TBC1D5: variants seen among roughly 807,000 people sequenced by gnomAD.
TBC1D5 encodes the protein TBC1 domain family member 5, also known as TBC1 domain family, member 5.
In TBC1D5, 75 loss-of-function variants were observed where a neutral mutation model predicts 100.3. The observed-to-expected ratio is 0.75, with a 90% CI of 0.62 to 0.91. TBC1D5 has a LOEUF of 0.91. TBC1D5 is among the 40% of genes least tolerant of loss of function. The probability of loss-of-function intolerance (pLI) is 0.00; values close to 1 mark genes in which losing one functional copy is unlikely to be tolerated. For synonymous variants in TBC1D5, 323 were observed against 325.6 expected (o/e 0.99, Z 0.09); for missense variants, 910 against 942.4 (o/e 0.97, Z 0.45).
At chr3:17,637,534 G>A (rs949373668) in intron 1 of TBC1D5, among the ~76,000 whole-genome samples, 12 of 151,304 alleles carry the variant, frequency 7.9e-5, no homozygotes, top group Non-Finnish European at 1.3e-4. Context: ...TAACAGACCC[G>A]AAGTAGATAT....
At chr3:17,188,390 T>C (rs1343683453) in intron 18 of TBC1D5, among the ~76,000 whole-genome samples, 1 of 152,138 alleles carries the variant, frequency 6.6e-6, no homozygotes, top group African/African-American at 2.4e-5. Flanking sequence ...TTTGTCTCAA[T>C]ATAAACACAT....
At chr3:17,394,800 A>G (rs2093453368) in intron 8 of TBC1D5, among the ~76,000 whole-genome samples, 1 of 152,132 alleles carries the variant, frequency 6.6e-6, no homozygotes, top group Non-Finnish European at 1.5e-5. Flanking sequence ...AGACGACGCA[A>G]TCGGGCGCTA....
At chr3:17,160,820 T>G in exon 22 of TBC1D5, 1 of 1,099,592 alleles carries the variant, frequency 9.1e-7, no homozygotes, top group Admixed American at 2.9e-5. Context: ...CTCTAAGGGG[T>G]TTCAAAGGGC....
chr3:17,239,344 C>T (rs1039382473), intron 16 of TBC1D5, among the ~76,000 whole-genome samples: 2 of 152,180 alleles, frequency 1.3e-5, no homozygotes, highest in Non-Finnish European at 2.9e-5. Context: ...ATCCTCCTCT[C>T]CTGCATCATC....
intron 3 of TBC1D5, among the ~76,000 whole-genome samples, chr3:17,441,798 A>C (rs953544389): frequency 6.6e-6 from 1 of 152,204 alleles, no homozygotes; most frequent in African/African-American, 2.4e-5. Flanking sequence ...ATTTTACTGA[A>C]TTGCTTTCTA....
chr3:17,375,565 T>TAA lies in TBC1D5; in HGVS notation c.702-888_702-887dup, dbSNP rs200229140. ...AGACTCTGTCTCAAAACATAAAATT[T>TAA]AAAAAAAAAAAAGGCATTACAACAG... On this transcript the variant is annotated intron_variant, in intron 10 of 21. Coordinates refer to ENST00000253692, the Ensembl canonical transcript of TBC1D5. Among the ~76,000 whole-genome samples, 9 of 143,060 alleles carry TAA rather than the reference T, an allele frequency of 6.3e-5. No homozygotes were observed. The South Asian group carries it at 8.9e-4, about 14-fold the overall frequency. 93.9% of individuals were successfully genotyped at this position (143,060 alleles called of 152,430 possible). A position where few individuals can be genotyped will look rare whatever the true frequency, so the allele number is the denominator to read the frequency against.
chr3:17,346,715 CGT>C (rs1559686034), intron 13 of TBC1D5, among the ~76,000 whole-genome samples: 2 of 152,082 alleles, frequency 1.3e-5, no homozygotes, highest in African/African-American at 2.4e-5. Flanking sequence ...TTTCCTTTCA[CGT>C]TTAATTCTTA....
intron 18 of TBC1D5, among the ~76,000 whole-genome samples, chr3:17,201,664 T>C (rs1048470164): frequency 1.6e-4 from 24 of 152,126 alleles, no homozygotes; most frequent in Admixed American, 1.3e-3. Flanking sequence ...CTTGCTGTTA[T>C]TGTGATGGGT....
intron 1 of TBC1D5, among the ~76,000 whole-genome samples, chr3:17,662,708 G>C (rs774389313): frequency 6.6e-6 from 1 of 152,130 alleles, no homozygotes; most frequent in Non-Finnish European, 1.5e-5. Flanking sequence ...GTCCCAGAAG[G>C]CATCTGAGTG....
At chr3:17,729,831 A>G (rs1019640380) in intron 1 of TBC1D5, among the ~76,000 whole-genome samples, 1 of 151,078 alleles carries the variant, frequency 6.6e-6, no homozygotes, top group Non-Finnish European at 1.5e-5. Flanking sequence ...AATGTTGGTC[A>G]GGCATGGTGG....
chr3:17,590,214 G>C (rs981694258), intron 2 of TBC1D5, among the ~76,000 whole-genome samples: 5 of 152,216 alleles, frequency 3.3e-5, no homozygotes, highest in African/African-American at 1.2e-4. Flanking sequence ...GAAATCTGGA[G>C]AACAGGCATG....
At chr3:17,697,018 A>C (rs2072221087) in intron 1 of TBC1D5, among the ~76,000 whole-genome samples, 1 of 152,258 alleles carries the variant, frequency 6.6e-6, no homozygotes, top group Non-Finnish European at 1.5e-5. Flanking sequence ...TGATTATCTT[A>C]ATAGATGCAG....
intron 13 of TBC1D5, among the ~76,000 whole-genome samples, chr3:17,343,515 T>C (rs2089346009): frequency 7.2e-6 from 1 of 139,408 alleles, no homozygotes; most frequent in Admixed American, 7.1e-5. Flanking sequence ...TCATTTTCTA[T>C]TGATTGGAAT....
At chr3:17,347,479 A>G (rs973544801) in intron 13 of TBC1D5, among the ~76,000 whole-genome samples, 3 of 152,102 alleles carry the variant, frequency 2.0e-5, no homozygotes, top group African/African-American at 7.2e-5. Context: ...AATTTTTCTC[A>G]GGTACAAATT....
intron 2 of TBC1D5, among the ~76,000 whole-genome samples, chr3:17,524,941 T>TAA (rs563661503): frequency 2.1e-5 from 3 of 144,316 alleles, no homozygotes; most frequent in East Asian, 2.0e-4. Context: ...TGCTCTGATG[T>TAA]AAAAAAAAAA....
chr3:17,337,421 C>A (rs1249028382), intron 13 of TBC1D5: 1 of 152,106 alleles, frequency 6.6e-6, no homozygotes, highest in Non-Finnish European at 1.5e-5. Context: ...TTCTGTCTCA[C>A]CAGTTTGGCT....
chr3:17,502,078 A>G (rs2095793721), intron 3 of TBC1D5, among the ~76,000 whole-genome samples: 1 of 149,352 alleles, frequency 6.7e-6, no homozygotes, highest in Admixed American at 6.6e-5. Flanking sequence ...ACAACAGACA[A>G]TAAGGTCCCT....
rs946686991 is a variant in TBC1D5, at chr3:17,167,609, G to A, written c.1932+140C>T. 1.4e-4 allele frequency: 95 copies of A among 693,424 alleles called. No individual in the cohort carries two copies. In the African/African-American group the frequency reaches 1.6e-3, roughly 12 times the overall value. The allele number at this position is 693,424 out of a possible 1,614,324, so 43.0% of individuals were successfully genotyped here. A position where few individuals can be genotyped will look rare whatever the true frequency, so the allele number is the denominator to read the frequency against. On this transcript the variant is annotated intron_variant, in intron 20 of 21. Coordinates refer to ENST00000253692, the Ensembl canonical transcript of TBC1D5. ...GAAGCAGCGGGGGCACAAAGAGGTGGTGATGCAGAAGGGGCTCTGTCTGGG... is the reference window on the plus strand; with the variant it reads ...GAAGCAGCGGGGGCACAAAGAGGTGATGATGCAGAAGGGGCTCTGTCTGGG...
chr3:17,162,098 G>A (rs2066116790), intron 21 of TBC1D5, among the ~76,000 whole-genome samples: 1 of 152,172 alleles, frequency 6.6e-6, no homozygotes, highest in African/African-American at 2.4e-5. Flanking sequence ...TTCGACCAAG[G>A]ACATCCAGTG....
Sources: gnomAD v4.1 joint callset for allele counts (sites outside exome capture counted in the v4.1 genomes callset) on GRCh38, gnomAD v4.1.1 for gene constraint, MANE v1.5 for transcripts, NCBI Gene and HGNC (gene_info 2026-07-23, HGNC 2026-07-21) for gene names.